PMFBP1: variants seen among roughly 807,000 people sequenced by gnomAD.
The protein encoded by PMFBP1 is polyamine-modulated factor 1-binding protein 1.
In PMFBP1, 131 loss-of-function variants were observed where a neutral mutation model predicts 137.8. The ratio of observed to expected loss-of-function variants is 0.95; its 90% CI spans 0.82 to 1.10. PMFBP1 has a LOEUF of 1.10. PMFBP1 is among the 50% of genes least tolerant of loss of function. PMFBP1 has a pLI of 0.00. For synonymous variants in PMFBP1, 490 were observed against 450.4 expected (o/e 1.09, Z -1.11); for missense variants, 1,199 against 1,175.4 (o/e 1.02, Z -0.29).
At chr16:72,159,088 C>A (rs915061370) in intron 3 of PMFBP1, among the ~76,000 whole-genome samples, 2 of 152,196 alleles carry the variant, frequency 1.3e-5, no homozygotes, top group Non-Finnish European at 2.9e-5. Context: ...CTGCTGAAAA[C>A]TAACCATGGT....
chr16:72,140,669 T>TTTAGA, intron 5 of PMFBP1, 87 bp from the exon 6 acceptor site: 2 of 1,248,980 alleles, frequency 1.6e-6, no homozygotes, highest in Non-Finnish European at 1.1e-6. Context: ...TCTCTAGACC[T>TTTAGA]ATATTCTAAA....
At chr16:72,244,281 G>C in the PMFBP1 span, among the ~76,000 whole-genome samples, 1 of 151,998 alleles carries the variant, frequency 6.6e-6, no homozygotes, top group East Asian at 1.9e-4. Context: ...ATATTGAAAT[G>C]GACACAGACA....
chr16:72,130,645 T>TG lies in PMFBP1; in HGVS notation c.1524_1525insC (p.Lys509GlnfsTer31). Reference sequence around the variant, plus strand: ...TTCTGCTTGTCCAGGAGGAGACCCTTCTGCAGTTTCCTCTGGGTGTCCTCC... The same window carrying TG: ...TTCTGCTTGTCCAGGAGGAGACCCTTGCTGCAGTTTCCTCTGGGTGTCCTCC... On this transcript the variant is annotated frameshift_variant, in exon 11 of 21. Coordinates refer to ENST00000237353, the MANE Select transcript of PMFBP1 (RefSeq NM_031293.3). LOFTEE classifies it high-confidence loss of function. 1.2e-6 allele frequency: 2 copies of TG among 1,613,978 alleles called. No homozygotes were observed. Among genetic ancestry groups the TG allele is most frequent in the Non-Finnish European group, 1.7e-6 (2 of 1,179,972 alleles).
At chr16:72,130,498 A>G in intron 11 of PMFBP1, 35 bp downstream of exon 11, 1 of 1,612,596 alleles carries the variant, frequency 6.2e-7, no homozygotes, top group Non-Finnish European at 8.5e-7. Flanking sequence ...AGAGTGACAG[A>G]ACCTCTCTCT....
At position 72,150,668 on chromosome 16, in the gene PMFBP1, G is replaced by C; in HGVS notation, c.576C>G (p.Ile192Met). The C allele has an allele frequency of 6.2e-7, 1 of 1,614,080 alleles. No homozygotes were observed. Among genetic ancestry groups the C allele is most frequent in the African/African-American group, 1.3e-5 (1 of 75,050 alleles). ...TCTTCACTTGGCATTCTAGTAACTC[G>C]ATGTTGCTCAGGGAAGACTGGTATT... is the stretch of plus-strand genomic sequence containing the variant. Reference protein sequence around the residue: ...RDKYQSSLSNIELLECQVKML... With the variant: ...RDKYQSSLSNMELLECQVKML... The change falls in exon 5 of 21, where the codon ATC (isoleucine) becomes ATG (methionine). Residue 192 changes from isoleucine (I) to methionine (M), a missense_variant. Coordinates refer to ENST00000237353, the MANE Select transcript of PMFBP1 (RefSeq NM_031293.3).
chr16:72,129,692 C>T (rs989799620), intron 12 of PMFBP1, among the ~76,000 whole-genome samples: 3 of 152,122 alleles, frequency 2.0e-5, no homozygotes, highest in Non-Finnish European at 4.4e-5. Flanking sequence ...ACAACATTGT[C>T]ATTTGATTAA....
chr16:72,228,690 C>A, the PMFBP1 span, among the ~76,000 whole-genome samples: 2 of 152,122 alleles, frequency 1.3e-5, no homozygotes, highest in East Asian at 3.8e-4. Context: ...TGGGGTGCCT[C>A]TCTATTTCTT....
chr16:72,249,920 C>CAA, the PMFBP1 span, among the ~76,000 whole-genome samples: 476 of 29,996 alleles, frequency 0.016, 42 homozygotes, highest in African/African-American at 0.03. Flanking sequence ...GACTCCATCG[C>CAA]AAAAAAAAAA....
intron 7 of PMFBP1, among the ~76,000 whole-genome samples, chr16:72,138,356 T>C (rs916164464): frequency 1.3e-5 from 2 of 152,162 alleles, no homozygotes; most frequent in African/African-American, 4.8e-5. Flanking sequence ...CATTTCAGCA[T>C]CAGTCTTGGG....
intron 16 of PMFBP1, 66 bp from the exon 17 acceptor site, chr16:72,125,000 G>A (rs1478618944): frequency 6.4e-7 from 1 of 1,567,854 alleles, no homozygotes. Flanking sequence ...GACCCACAAG[G>A]CCAGAGGGTG....
the PMFBP1 span, among the ~76,000 whole-genome samples, chr16:72,194,093 T>A: frequency 6.6e-6 from 1 of 152,160 alleles, no homozygotes; most frequent in Non-Finnish European, 1.5e-5. Context: ...GCGAGTTCAT[T>A]ATCTAATTCT....
chr16:72,160,240 T>C (rs754421606), intron 3 of PMFBP1, among the ~76,000 whole-genome samples: 18 of 152,256 alleles, frequency 1.2e-4, no homozygotes, highest in Non-Finnish European at 2.6e-4. Flanking sequence ...TTGATGCTAA[T>C]TGATTGATGT....
chr16:72,196,986 A>C, the PMFBP1 span, among the ~76,000 whole-genome samples: 2 of 152,220 alleles, frequency 1.3e-5, no homozygotes, highest in Non-Finnish European at 2.9e-5. Context: ...ACTCTGACTC[A>C]GTAGGTCTGA....
chr16:72,155,951 T>C (rs1018916796), intron 3 of PMFBP1, among the ~76,000 whole-genome samples: 2 of 152,184 alleles, frequency 1.3e-5, no homozygotes, highest in Non-Finnish European at 2.9e-5. Flanking sequence ...TGGAATTGTA[T>C]AATATGTCAT....
the PMFBP1 span, among the ~76,000 whole-genome samples, chr16:72,237,229 G>C: frequency 6.6e-6 from 1 of 152,148 alleles, no homozygotes; most frequent in African/African-American, 2.4e-5. Flanking sequence ...CTAGAGATAG[G>C]AGGAACGTTA....
At position 72,154,193 on chromosome 16, in the gene PMFBP1, T is replaced by C. The variant is rs774996347; in HGVS notation, c.414+18A>G. 1.4e-5 allele frequency: 22 copies of C among 1,609,388 alleles called. No homozygotes were observed. The highest frequency in any genetic ancestry group is 5.0e-5 in the Admixed American group (3 of 59,846). On this transcript the variant is annotated intron_variant, in intron 4 of 20. Transcript: ENST00000237353. ...TACCTAAGAATGTGGGTTATTTCCA[T>C]GGTTAATCTGTCTATACCTCATCTT...
chr16:72,164,611 G>T, intron 3 of PMFBP1, 153 bp downstream of exon 3: 1 of 1,199,850 alleles, frequency 8.3e-7, no homozygotes, highest in Non-Finnish European at 1.2e-6. Flanking sequence ...GTGCGTTGGG[G>T]TGTGTGTGTT....
At position 72,132,760 on chromosome 16, in the gene PMFBP1, C is replaced by T; in HGVS notation, c.1435G>A (p.Glu479Lys). Residue 479 changes from glutamate to lysine, a missense_variant, in exon 10 of 21, where the codon GAG (glutamate) becomes AAG (lysine). Glu to Lys is a moderately conservative substitution (Grantham distance 56). Transcript: ENST00000237353. ...KNSLEEAKQQ[E>K]RLAAQQAAQC... is the part of the protein sequence containing the mutation. ...GCAGGGGCCTCACCAGCCAGCCTCT[C>T]CTGCTGCTTGGCCTCTTCGAGACTG... The T allele has an allele frequency of 4.3e-6, 7 of 1,614,200 alleles. No individual in the cohort carries two copies. The highest frequency in any genetic ancestry group is 5.9e-6 in the Non-Finnish European group (7 of 1,180,028).
the PMFBP1 span, among the ~76,000 whole-genome samples, chr16:72,196,006 TG>T: frequency 6.6e-6 from 1 of 151,606 alleles, no homozygotes; most frequent in Non-Finnish European, 1.5e-5. Context: ...TGTGTGTGTG[TG>T]TGTGTGTGTG....
Sources: gnomAD v4.1 joint callset for allele counts (sites outside exome capture counted in the v4.1 genomes callset) on GRCh38, gnomAD v4.1.1 for gene constraint, MANE v1.5 for transcripts, NCBI Gene and HGNC (gene_info 2026-07-23, HGNC 2026-07-21) for gene names.